The following CNIH4 variants were observed in gnomAD, a reference collection of about 807,000 sequenced individuals.
The protein encoded by CNIH4 is cornichon family member 4.
In CNIH4, 9 loss-of-function variants were observed where a neutral mutation model predicts 21.5. The observed-to-expected ratio is 0.42, with a 90% CI of 0.25 to 0.73. CNIH4 has a LOEUF of 0.73. Ranked by LOEUF, CNIH4 falls within the 30% of genes least tolerant of loss-of-function variation. CNIH4 has a pLI of 0.27. For synonymous variants in CNIH4, 67 were observed against 59.1 expected (o/e 1.13, Z -0.61); for missense variants, 159 against 170.0 (o/e 0.94, Z 0.36).
intron 3 of CNIH4, among the ~76,000 whole-genome samples, chr1:224,369,525 G>A (rs943326935): frequency 6.6e-6 from 1 of 152,036 alleles, no homozygotes; most frequent in Non-Finnish European, 1.5e-5. Context: ...GCGCTGAGCC[G>A]AGATCTTGCC....
Position 224,378,363 on chromosome 1 carries a change from G to A in CNIH4, c.*2541G>A. On this transcript the variant is annotated 3_prime_UTR_variant, in exon 5 of 5. Transcript: ENST00000465271. ...GCCCAGCTCAAAAACAATTTTTTTA[G>A]GGGCACTTCTACAAATCATGAAAGG... is the stretch of plus-strand genomic sequence containing the variant. The A allele has an allele frequency of 6.6e-6, 1 of 152,212 alleles. No homozygotes were observed. Among genetic ancestry groups the A allele is most frequent in the East Asian group, 1.9e-4 (1 of 5,198 alleles). The allele number at this position is 152,212 out of a possible 1,614,324, so 9.4% of individuals were successfully genotyped here.
rs1672795571 is a variant in CNIH4, at chr1:224,376,847, CT to C, written c.*1026del. 3.0e-6 allele frequency: 3 copies of C among 985,300 alleles called. No homozygotes were observed. The African/African-American group carries it at 5.2e-5, about 17-fold the overall frequency. 61.0% of individuals were successfully genotyped at this position (985,300 alleles called of 1,614,324 possible). A position where few individuals can be genotyped will look rare whatever the true frequency, so the allele number is the denominator to read the frequency against. On this transcript the variant is annotated 3_prime_UTR_variant, in exon 5 of 5. Transcript: ENST00000465271. Reference sequence around the variant, plus strand: ...TCACCTCCTTAGCTCTGTTTGCCAGCTCTTACAGGGTAAAATAAACCTGGCA... The same window carrying C: ...TCACCTCCTTAGCTCTGTTTGCCAGCCTTACAGGGTAAAATAAACCTGGCA...
At chr1:224,368,296 C>T (rs1672524308) in intron 3 of CNIH4, among the ~76,000 whole-genome samples, 1 of 152,198 alleles carries the variant, frequency 6.6e-6, no homozygotes, top group African/African-American at 2.4e-5. Flanking sequence ...TGCACCACTG[C>T]ACTCCAGCCG....
At chr1:224,371,252 C>A in intron 3 of CNIH4, 31 bp from the exon 4 acceptor site, 1 of 1,595,652 alleles carries the variant, frequency 6.3e-7, no homozygotes, top group Non-Finnish European at 8.5e-7. Context: ...TTTGATTATC[C>A]TTCTAATGTG....
intron 3 of CNIH4, among the ~76,000 whole-genome samples, chr1:224,368,784 C>T (rs1007236516): frequency 4.6e-5 from 7 of 151,914 alleles, no homozygotes; most frequent in African/African-American, 1.5e-4. Context: ...AGCCACCCAA[C>T]GTGTTGGGAT....
chr1:224,357,174 C>T (rs546277179), intron 1 of CNIH4, 181 bp downstream of exon 1: 24 of 632,620 alleles, frequency 3.8e-5, no homozygotes, highest in Non-Finnish European at 6.0e-5. Flanking sequence ...AGGCTGGCTG[C>T]CCTACCCGAC....
At chr1:224,361,341 C>T (rs1262552557) in intron 2 of CNIH4, among the ~76,000 whole-genome samples, 1 of 151,776 alleles carries the variant, frequency 6.6e-6, no homozygotes, top group Non-Finnish European at 1.5e-5. Flanking sequence ...TGGTTTCAAA[C>T]TCCTGACCTC....
intron 3 of CNIH4, among the ~76,000 whole-genome samples, chr1:224,370,223 A>T (rs1280574278): frequency 2.6e-5 from 4 of 152,152 alleles, no homozygotes; most frequent in African/African-American, 9.7e-5. Context: ...ACCACCAAGA[A>T]AATGGTGACA....
At chr1:224,361,236 C>T (rs1357165234) in intron 2 of CNIH4, among the ~76,000 whole-genome samples, 1 of 151,782 alleles carries the variant, frequency 6.6e-6, no homozygotes, top group Non-Finnish European at 1.5e-5. Context: ...CTGCCTCAGC[C>T]TCCCAAGTAG....
Position 224,376,445 on chromosome 1 carries a change from A to G in CNIH4, c.*623A>G, listed in dbSNP as rs1170395965. 19 of 985,268 alleles carry G rather than the reference A, an allele frequency of 1.9e-5. No individual in the cohort carries two copies. The East Asian group carries it at 7.9e-4, about 41-fold the overall frequency. The allele number at this position is 985,268 out of a possible 1,614,324, so 61.0% of individuals were successfully genotyped here. ...TGTAGTTCCTGCTGATAGAAAGGAAATATTTTGTCAAGAGCTTTCATTTAA... is the reference window on the plus strand; with the variant it reads ...TGTAGTTCCTGCTGATAGAAAGGAAGTATTTTGTCAAGAGCTTTCATTTAA... On this transcript the variant is annotated 3_prime_UTR_variant, in exon 5 of 5. Coordinates refer to ENST00000465271, the MANE Select transcript of CNIH4 (RefSeq NM_014184.4).
At chr1:224,371,251 C>T in intron 3 of CNIH4, 32 bp from the exon 4 acceptor site, 6 of 1,588,944 alleles carry the variant, frequency 3.8e-6, no homozygotes, top group Non-Finnish European at 5.1e-6. Flanking sequence ...ATTTGATTAT[C>T]CTTCTAATGT....
rs1156331026 is a variant in CNIH4, at chr1:224,356,880, T to A, written c.-45T>A. Reference sequence around the variant, plus strand: ...GGCCTATCAGGGGTGGGTCGGGGCATCCGAGCGGGTTTGACGGAAGGAGCG... The same window carrying A: ...GGCCTATCAGGGGTGGGTCGGGGCAACCGAGCGGGTTTGACGGAAGGAGCG... On this transcript the variant is annotated 5_prime_UTR_variant, in exon 1 of 5. Coordinates refer to ENST00000465271, the MANE Select transcript of CNIH4 (RefSeq NM_014184.4). The A allele has an allele frequency of 5.8e-6, 9 of 1,547,080 alleles. No homozygotes were observed. Among genetic ancestry groups the A allele is most frequent in the Non-Finnish European group, 7.9e-6 (9 of 1,134,158 alleles).
chr1:224,367,435 T>A (rs945991476), intron 3 of CNIH4, among the ~76,000 whole-genome samples: 1 of 152,134 alleles, frequency 6.6e-6, no homozygotes, highest in Non-Finnish European at 1.5e-5. Context: ...CTTTAAAATA[T>A]CTGTGTCTCT....
intron 1 of CNIH4, among the ~76,000 whole-genome samples, chr1:224,359,193 G>C (rs1426940520): frequency 6.6e-6 from 1 of 152,158 alleles, no homozygotes; most frequent in Non-Finnish European, 1.5e-5. Context: ...GTTAAGGGTG[G>C]GAGGGAAGTC....
intron 2 of CNIH4, among the ~76,000 whole-genome samples, chr1:224,362,487 C>CTTT (rs34251914): frequency 1.2e-5 from 1 of 83,794 alleles, no homozygotes; most frequent in Non-Finnish European, 2.4e-5. Context: ...TCGCTGTGTA[C>CTTT]TTTTTTTTTT....
In CNIH4 at chr1:224,379,178, C is replaced by G; in HGVS notation, c.*3356C>G. ...AAGCCTAGCAGGTCCCCTCAGCTGC[C>G]TTTTCATGCCTGCCACAGACTACAG... On this transcript the variant is annotated 3_prime_UTR_variant, in exon 5 of 5. Transcript: ENST00000465271. The G allele has an allele frequency of 7.4e-7, 1 of 1,343,644 alleles. No individual in the cohort carries two copies. Among genetic ancestry groups the G allele is most frequent in the South Asian group, 1.3e-5 (1 of 79,796 alleles). The allele number at this position is 1,343,644 out of a possible 1,614,324, so 83.2% of individuals were successfully genotyped here. A position where few individuals can be genotyped will look rare whatever the true frequency, so the allele number is the denominator to read the frequency against.
In CNIH4 at chr1:224,375,826, T is replaced by G. The variant is rs1572137146; in HGVS notation, c.*4T>G. On this transcript the variant is annotated 3_prime_UTR_variant, in exon 5 of 5. Transcript: ENST00000465271. ...CTTAGCTTTGATAAATGACTGAAGCTGGAGAAGCCGTGGTTGAAGTCAGCC... is the reference window on the plus strand; with the variant it reads ...CTTAGCTTTGATAAATGACTGAAGCGGGAGAAGCCGTGGTTGAAGTCAGCC... The G allele has an allele frequency of 6.2e-7, 1 of 1,613,982 alleles. No individual in the cohort carries two copies.
At chr1:224,358,739 A>T (rs968335596) in intron 1 of CNIH4, among the ~76,000 whole-genome samples, 1 of 152,202 alleles carries the variant, frequency 6.6e-6, no homozygotes, top group Non-Finnish European at 1.5e-5. Flanking sequence ...TTCTTTTTGC[A>T]GTTTGGAAAA....
intron 2 of CNIH4, among the ~76,000 whole-genome samples, chr1:224,361,088 C>T (rs1185514287): frequency 2.7e-5 from 4 of 150,454 alleles, no homozygotes; most frequent in African/African-American, 9.8e-5. Context: ...GCTGGGACTA[C>T]AGGCGCATGC....
Sources: allele counts gnomAD v4.1 joint callset (sites outside exome capture counted in the v4.1 genomes callset), GRCh38; gene constraint gnomAD v4.1.1; transcripts MANE v1.5; gene names NCBI Gene and HGNC (gene_info 2026-07-23, HGNC 2026-07-21).